The following MAGI2 variants were observed in gnomAD, a reference collection of about 807,000 sequenced individuals.
MAGI2 encodes membrane-associated guanylate kinase, WW and PDZ domain-containing protein 2.
A neutral mutation model predicts 133.3 loss-of-function variants in MAGI2; 35 were observed. The observed-to-expected ratio is 0.26, with a 90% CI of 0.20 to 0.35. The LOEUF is 0.35. Among genes scored for constraint, MAGI2 ranks in the 10% least tolerant of loss-of-function variants. The pLI is 1.00. For missense variants in MAGI2, 1,636 were observed against 1,863.4 expected (o/e 0.88, Z 2.25); for synonymous variants, 729 against 710.6 (o/e 1.03, Z -0.41).
At chr7:78,111,634 C>T (rs886897097) in intron 20 of MAGI2, among the ~76,000 whole-genome samples, 1 of 152,236 alleles carries the variant, frequency 6.6e-6, no homozygotes, top group African/African-American at 2.4e-5. Flanking sequence ...ACTCATTTAA[C>T]ACAGTGCTCA....
chr7:78,926,422 T>C (rs757131340), intron 2 of MAGI2, among the ~76,000 whole-genome samples: 1 of 152,026 alleles, frequency 6.6e-6, no homozygotes, highest in African/African-American at 2.4e-5. Flanking sequence ...GTGCAAACAA[T>C]GAATACAGAA....
chr7:78,043,963 T>C (rs185511208), intron 21 of MAGI2, among the ~76,000 whole-genome samples: 6 of 152,330 alleles, frequency 3.9e-5, no homozygotes, highest in African/African-American at 1.4e-4. Flanking sequence ...GGCCAGTTAC[T>C]AGAGTAGAAA....
chr7:78,468,059 A>G (rs1790822153), intron 6 of MAGI2, among the ~76,000 whole-genome samples: 1 of 152,126 alleles, frequency 6.6e-6, no homozygotes, highest in South Asian at 2.1e-4. Context: ...TACCTATTCA[A>G]ACAACCTAGA....
intron 1 of MAGI2, among the ~76,000 whole-genome samples, chr7:79,425,138 C>T (rs1250362167): frequency 6.6e-6 from 1 of 151,656 alleles, no homozygotes. Context: ...GTAATCCCAG[C>T]TGCTTGGGAG....
At chr7:78,971,323 A>G (rs1019924950) in intron 2 of MAGI2, among the ~76,000 whole-genome samples, 2 of 152,054 alleles carry the variant, frequency 1.3e-5, no homozygotes, top group African/African-American at 2.4e-5. Context: ...TCTATAAGCA[A>G]TTGGGAATAA....
At chr7:78,871,892 G>C (rs765353957) in intron 2 of MAGI2, among the ~76,000 whole-genome samples, 19 of 151,448 alleles carry the variant, frequency 1.3e-4, no homozygotes, top group Non-Finnish European at 2.4e-4. Context: ...TAAAAATGAT[G>C]GTAAATATAA....
chr7:79,071,874 T>G (rs1815018411), intron 1 of MAGI2, among the ~76,000 whole-genome samples: 1 of 152,134 alleles, frequency 6.6e-6, no homozygotes, highest in African/African-American at 2.4e-5. Flanking sequence ...ATTTCAAGCC[T>G]GTGGATCTTA....
intron 2 of MAGI2, among the ~76,000 whole-genome samples, chr7:78,926,072 C>T (rs540953002): frequency 4.8e-4 from 73 of 151,890 alleles, no homozygotes; most frequent in Non-Finnish European, 9.3e-4. Context: ...GAATTTCTAC[C>T]ACTTTTGTAA....
chr7:78,708,559 C>A (rs1818872516), intron 2 of MAGI2, among the ~76,000 whole-genome samples: 1 of 152,122 alleles, frequency 6.6e-6, no homozygotes, highest in African/African-American at 2.4e-5. Context: ...CATGTTAATT[C>A]ATTTCATTCT....
rs1393570439 is a variant in MAGI2 at position 79,294,720 on chromosome 7, GC to G, written c.301+158299del. On this transcript the variant is annotated intron_variant, in intron 1 of 21. Transcript: ENST00000354212. Reference sequence around the variant, plus strand: ...TGTACAATAAGATTATATTTTGGTAGCTTTTTTTTTTTTTTTTTTTTTTTTC... The same window carrying G: ...TGTACAATAAGATTATATTTTGGTAGTTTTTTTTTTTTTTTTTTTTTTTTC... Among the ~76,000 whole-genome samples the G allele has an allele frequency of 2.9e-3, 235 of 82,188 alleles. 1 individual carries two copies. The highest frequency in any genetic ancestry group is 8.6e-3 in the African/African-American group (232 of 27,066). The allele number at this position is 82,188 out of a possible 152,430, so 53.9% of individuals were successfully genotyped here. A position where few individuals can be genotyped will look rare whatever the true frequency, so the allele number is the denominator to read the frequency against.
chr7:79,084,967 T>C (rs1816361141), intron 1 of MAGI2, among the ~76,000 whole-genome samples: 1 of 151,908 alleles, frequency 6.6e-6, no homozygotes, highest in Non-Finnish European at 1.5e-5. Context: ...ATTGTTTGTA[T>C]GTGATGAGTT....
intron 2 of MAGI2, among the ~76,000 whole-genome samples, chr7:78,756,894 T>C (rs887477992): frequency 2.6e-5 from 4 of 152,156 alleles, no homozygotes; most frequent in Admixed American, 1.3e-4. Context: ...TCGTCTTATC[T>C]TACCAACATT....
intron 9 of MAGI2, among the ~76,000 whole-genome samples, chr7:78,264,709 T>C (rs1793831052): frequency 6.6e-6 from 1 of 152,206 alleles, no homozygotes; most frequent in Admixed American, 6.5e-5. Context: ...TTGGGCGAAG[T>C]ATTTAACTTT....
intron 1 of MAGI2, among the ~76,000 whole-genome samples, chr7:79,127,754 G>A (rs894759122): frequency 6.6e-6 from 1 of 152,160 alleles, no homozygotes; most frequent in Non-Finnish European, 1.5e-5. Flanking sequence ...TAGGTTGCCT[G>A]TTCACTTTGA....
At chr7:79,238,510 G>T (rs568317491) in intron 1 of MAGI2, among the ~76,000 whole-genome samples, 1 of 152,204 alleles carries the variant, frequency 6.6e-6, no homozygotes, top group Non-Finnish European at 1.5e-5. Flanking sequence ...AGAAGATAAA[G>T]CATATCGTTT....
chr7:78,192,149 A>G (rs549868729), intron 12 of MAGI2, among the ~76,000 whole-genome samples: 175 of 152,308 alleles, frequency 1.1e-3, no homozygotes, highest in African/African-American at 4.0e-3. Context: ...ACTATAGGCT[A>G]GGGGAAATGT....
chr7:78,514,298 A>G lies in MAGI2; in HGVS notation c.754+7132T>C, dbSNP rs192736781. Among the ~76,000 whole-genome samples, 386 of 151,254 alleles carry G rather than the reference A, an allele frequency of 2.6e-3. 1 individual carries two copies. Among genetic ancestry groups the G allele is most frequent in the Non-Finnish European group, 4.6e-3 (311 of 67,790 alleles). ...TTATAATTATAAAATTATTAATAGT[A>G]ATATTATAATTACAATCACCACAAA... On this transcript the variant is annotated intron_variant, in intron 4 of 21. Transcript: ENST00000354212.
chr7:78,627,458 G>C (rs1808492693), intron 2 of MAGI2, among the ~76,000 whole-genome samples: 1 of 152,268 alleles, frequency 6.6e-6, no homozygotes, highest in South Asian at 2.1e-4. Context: ...AGCTTATAAA[G>C]AGTTCATTGC....
chr7:79,216,321 C>T (rs1414331344), intron 1 of MAGI2, among the ~76,000 whole-genome samples: 1 of 151,914 alleles, frequency 6.6e-6, no homozygotes, highest in Non-Finnish European at 1.5e-5. Context: ...ACCTCCACCA[C>T]TCAATCAAAC....
Sources: gnomAD v4.1 joint callset for allele counts (sites outside exome capture counted in the v4.1 genomes callset) on GRCh38, gnomAD v4.1.1 for gene constraint, MANE v1.5 for transcripts, NCBI Gene and HGNC (gene_info 2026-07-23, HGNC 2026-07-21) for gene names.